The following MORF4L1 variants were observed in gnomAD, a reference collection of about 807,000 sequenced individuals.
MORF4L1 encodes the protein mortality factor 4-like protein 1.
In MORF4L1, 4 loss-of-function variants were observed where a neutral mutation model predicts 52.9. The ratio of observed to expected loss-of-function variants is 0.08; its 90% confidence interval spans 0.04 to 0.17. The LOEUF (loss-of-function observed/expected upper bound fraction) is 0.17. MORF4L1 is among the 10% of genes least tolerant of loss of function. The pLI is 1.00. For synonymous variants in MORF4L1, 123 were observed against 134.8 expected, an observed-to-expected ratio of 0.91 and a Z score of 0.61; for missense variants, 214 against 390.4, an observed-to-expected ratio of 0.55 and a Z score of 3.81.
chr15:78,874,970 T>C (rs1344441154), intron 1 of MORF4L1, among the ~76,000 whole-genome samples: 1 of 152,106 alleles, frequency 6.6e-6, no homozygotes, highest in African/African-American at 2.4e-5. Flanking sequence ...GCATTTTCAG[T>C]ATATTTTCAT....
Position 78,891,563 on chromosome 15 carries a change from T to A in MORF4L1, c.429T>A (p.Thr143=), listed in dbSNP as rs1241603423. ...AGAAAAGGGCCCGGGTAGATCCTAC[T>A]GTTGAAAATGTGAGTTTTTCTTGTG... The part of the protein sequence containing the change: ...PRKKRARVDP[T]VENEETFMNR... Residue 143 remains threonine (T), a synonymous_variant, in exon 7 of 12, where the codon ACT becomes ACA. Coordinates refer to ENST00000426013, the MANE Select transcript of MORF4L1 (RefSeq NM_006791.4). 6.2e-7 allele frequency: 1 copy of A among 1,612,082 alleles called. No individual in the cohort carries two copies. The highest frequency in any genetic ancestry group is 1.3e-5 in the African/African-American group (1 of 74,878).
At chr15:78,883,042 C>G (rs2056630333) in intron 3 of MORF4L1, among the ~76,000 whole-genome samples, 1 of 151,978 alleles carries the variant, frequency 6.6e-6, no homozygotes, top group South Asian at 2.1e-4. Flanking sequence ...TGGTGAAACC[C>G]CATCTCTACT....
chr15:78,878,332 C>T (rs1168798234), intron 2 of MORF4L1, 73 bp downstream of exon 2: 2 of 1,407,246 alleles, frequency 1.4e-6, no homozygotes, highest in Non-Finnish European at 2.0e-6. Context: ...TATACAAGTA[C>T]AGTATTTTGT....
chr15:78,875,710 C>T (rs1444579071), intron 1 of MORF4L1, among the ~76,000 whole-genome samples: 1 of 151,598 alleles, frequency 6.6e-6, no homozygotes, highest in Non-Finnish European at 1.5e-5. Flanking sequence ...CGCTTGAACC[C>T]GGGAGTCGGA....
chr15:78,875,994 G>GT (rs1247443026), intron 1 of MORF4L1, among the ~76,000 whole-genome samples: 1 of 151,884 alleles, frequency 6.6e-6, no homozygotes, highest in Non-Finnish European at 1.5e-5. Flanking sequence ...CTGGAGTCCA[G>GT]TGGCGCGATC....
chr15:78,881,636 C>G (rs1245621233), intron 3 of MORF4L1, among the ~76,000 whole-genome samples: 1 of 152,154 alleles, frequency 6.6e-6, no homozygotes, highest in Non-Finnish European at 1.5e-5. Flanking sequence ...CTCCTTGGGC[C>G]TCACAAATAA....
Position 78,872,947 on chromosome 15 carries a change from G to C in MORF4L1, c.-71G>C. ...CTGACGGCGCGTCTGACGCGGAGTT[G>C]GGTGGGGTAGAGAGTAGGGGGCGGT... On this transcript the variant is annotated 5_prime_UTR_variant, in exon 1 of 12. Coordinates refer to ENST00000426013, the MANE Select transcript of MORF4L1 (RefSeq NM_006791.4). 1 of 1,526,108 alleles carries C rather than the reference G, an allele frequency of 6.6e-7. No individual in the cohort carries two copies. The highest frequency in any genetic ancestry group is 8.8e-7 in the Non-Finnish European group (1 of 1,137,938). The allele number at this position is 1,526,108 out of a possible 1,614,324, so 94.5% of individuals were successfully genotyped here. A position where few individuals can be genotyped will look rare whatever the true frequency, so the allele number is the denominator to read the frequency against.
intron 2 of MORF4L1, among the ~76,000 whole-genome samples, chr15:78,879,738 G>C (rs2056566008): frequency 6.7e-6 from 1 of 148,372 alleles, no homozygotes; most frequent in Admixed American, 6.8e-5. Context: ...AGGAGTTTGA[G>C]ATCAGTCTGG....
At chr15:78,877,064 C>G (rs915180253) in intron 1 of MORF4L1, among the ~76,000 whole-genome samples, 33 of 142,388 alleles carry the variant, frequency 2.3e-4, no homozygotes, top group African/African-American at 8.0e-4. Context: ...CTCAGCCTCC[C>G]GAGTAGCTGG....
intron 2 of MORF4L1, 48 bp downstream of exon 2, chr15:78,878,307 G>T (rs1395986964): frequency 1.3e-6 from 2 of 1,557,284 alleles, no homozygotes; most frequent in Non-Finnish European, 1.8e-6. Flanking sequence ...CTACTGGTTA[G>T]ATCTGGCCAT....
At chr15:78,880,035 TTGTC>T (rs1176309118) in intron 2 of MORF4L1, among the ~76,000 whole-genome samples, 4 of 152,268 alleles carry the variant, frequency 2.6e-5, no homozygotes, top group Admixed American at 6.5e-5. Context: ...GTAATTCCTT[TTGTC>T]TGGCTGCTTT....
rs376390420 is a variant in MORF4L1, at chr15:78,886,159, G to A, written c.174G>A (p.Pro58=). 1.2e-5 allele frequency: 20 copies of A among 1,613,614 alleles called. No homozygotes were observed. The highest frequency in any genetic ancestry group is 3.3e-5 in the South Asian group (3 of 91,060). ...TTTTCAGTTGGGATGAATGGGTTCCGGAGAGCAGAGTACTCAAATACGTGG... is the reference window on the plus strand; with the variant it reads ...TTTTCAGTTGGGATGAATGGGTTCCAGAGAGCAGAGTACTCAAATACGTGG... The part of the protein sequence containing the change: ...GWNKNWDEWV[P]ESRVLKYVDT... Residue 58 remains proline, a synonymous_variant, in exon 4 of 12, where the codon CCG becomes CCA. Transcript: ENST00000426013.
chr15:78,890,963 T>A, intron 5 of MORF4L1, 26 bp from the exon 6 acceptor site: 1 of 1,432,500 alleles, frequency 7.0e-7, no homozygotes, highest in Non-Finnish European at 9.3e-7. Context: ...GAAATAATTA[T>A]TTTTCTTTTT....
intron 3 of MORF4L1, chr15:78,884,869 C>A (rs1352839471): frequency 1.4e-6 from 1 of 719,298 alleles, no homozygotes; most frequent in Non-Finnish European, 2.2e-6. Flanking sequence ...TGTTGACACA[C>A]ACTTAAATAC....
intron 3 of MORF4L1, among the ~76,000 whole-genome samples, chr15:78,883,959 A>T (rs2056647977): frequency 6.6e-6 from 1 of 152,052 alleles, no homozygotes; most frequent in Non-Finnish European, 1.5e-5. Flanking sequence ...TAATCCCAGC[A>T]CTTTGGGAGG....
chr15:78,881,619 G>T (rs1172016190), intron 3 of MORF4L1, among the ~76,000 whole-genome samples: 1 of 152,090 alleles, frequency 6.6e-6, no homozygotes, highest in Non-Finnish European at 1.5e-5. Flanking sequence ...TCAGTGATGG[G>T]ACTTTTCTCC....
chr15:78,873,005 G>A lies in MORF4L1; in HGVS notation c.-13G>A. 6.4e-7 allele frequency: 1 copy of A among 1,550,886 alleles called. No homozygotes were observed. The highest frequency in any genetic ancestry group is 8.7e-7 in the Non-Finnish European group (1 of 1,146,896). ...GGTGGTGGGAGAAGGAGGAGGCGGC[G>A]AATCACTTATAAATGGCGCCGAAGC... On this transcript the variant is annotated 5_prime_UTR_variant, in exon 1 of 12. Coordinates refer to ENST00000426013, the MANE Select transcript of MORF4L1 (RefSeq NM_006791.4).
At position 78,897,424 on chromosome 15, in the gene MORF4L1, A is replaced by C. The variant is rs1166122024; in HGVS notation, c.*357A>C. 5.4e-6 allele frequency: 1 copy of C among 184,936 alleles called. No individual in the cohort carries two copies. The highest frequency in any genetic ancestry group is 2.3e-5 in the African/African-American group (1 of 42,716). The allele number at this position is 184,936 out of a possible 1,614,324, so 11.5% of individuals were successfully genotyped here. ...TAATGCTATATGACAAAATGCTCTGATTCCTAGTGCCAAAGGTTCAATTCA... is the reference window on the plus strand; with the variant it reads ...TAATGCTATATGACAAAATGCTCTGCTTCCTAGTGCCAAAGGTTCAATTCA... On this transcript the variant is annotated 3_prime_UTR_variant, in exon 12 of 12. Transcript: ENST00000426013.
intron 3 of MORF4L1, among the ~76,000 whole-genome samples, 188 bp downstream of exon 3, chr15:78,880,767 A>G (rs1407780946): frequency 1.3e-5 from 2 of 152,158 alleles, no homozygotes; most frequent in African/African-American, 2.4e-5. Flanking sequence ...TTTAATTTAA[A>G]TATACTTGGA....
Sources: allele counts gnomAD v4.1 joint callset (sites outside exome capture counted in the v4.1 genomes callset), GRCh38; gene constraint gnomAD v4.1.1; transcripts MANE v1.5; gene names NCBI Gene and HGNC (gene_info 2026-07-23, HGNC 2026-07-21).